OCA2: variants seen among roughly 807,000 people sequenced by gnomAD.
The protein encoded by OCA2 is OCA2 melanosomal transmembrane protein.
A neutral mutation model predicts 100.2 loss-of-function variants in OCA2; 77 were observed. The ratio of observed to expected loss-of-function variants is 0.77; its 90% CI spans 0.64 to 0.93. The LOEUF (loss-of-function observed/expected upper bound fraction) is 0.93, where lower values mean the gene tolerates loss of function less well. OCA2 is among the 40% of genes least tolerant of loss of function. The probability of loss-of-function intolerance (pLI) is 0.00; values close to 1 mark genes in which losing one functional copy is unlikely to be tolerated. For synonymous variants in OCA2, 432 were observed against 439.2 expected, an observed-to-expected ratio of 0.98 and a Z score of 0.21; for missense variants, 1,062 against 1,089.1, an observed-to-expected ratio of 0.98 and a Z score of 0.35.
At position 27,952,027 on chromosome 15, in the gene OCA2, T is replaced by C. The variant is rs138565865; in HGVS notation, c.1843-135A>G. 2.5e-5 allele frequency: 18 copies of C among 728,704 alleles called. No homozygotes were observed. In the Middle Eastern group the frequency reaches 1.0e-3, roughly 41 times the overall value. The allele number at this position is 728,704 out of a possible 1,614,324, so 45.1% of individuals were successfully genotyped here. On this transcript the variant is annotated intron_variant, in intron 17 of 23. Transcript: ENST00000354638. ...GTAACCTCTCGAACTTGAAAGAAAATGGCAAAGTACTGTGTTACAAGGAAA... is the reference window on the plus strand; with the variant it reads ...GTAACCTCTCGAACTTGAAAGAAAACGGCAAAGTACTGTGTTACAAGGAAA...
At chr15:27,811,329 C>T (rs1334204608) in intron 23 of OCA2, among the ~76,000 whole-genome samples, 1 of 152,030 alleles carries the variant, frequency 6.6e-6, no homozygotes, top group Non-Finnish European at 1.5e-5. Flanking sequence ...CAAGGGCATA[C>T]AGAGTGATAT....
intron 9 of OCA2, among the ~76,000 whole-genome samples, chr15:27,997,163 G>A (rs36163088): frequency 0.6 from 83,996 of 139,438 alleles, 28,870 homozygotes; most frequent in Non-Finnish European, 0.79. Context: ...AGAAAGAAAG[G>A]AAGGAAGGAA....
At chr15:27,935,628 C>T (rs77076433) in intron 18 of OCA2, among the ~76,000 whole-genome samples, 265 of 152,320 alleles carry the variant, frequency 1.7e-3, no homozygotes, top group African/African-American at 5.8e-3. Context: ...GATTCAATCC[C>T]CAGTCTGCAA....
chr15:27,830,669 T>C (rs575986179), intron 23 of OCA2, among the ~76,000 whole-genome samples: 57 of 152,272 alleles, frequency 3.7e-4, no homozygotes, highest in Non-Finnish European at 6.8e-4. Flanking sequence ...TGTGTGTATA[T>C]CAACTGAGAG....
At chr15:28,026,149 C>G (rs1259625034) in intron 4 of OCA2, among the ~76,000 whole-genome samples, 2 of 152,220 alleles carry the variant, frequency 1.3e-5, no homozygotes, top group African/African-American at 4.8e-5. Context: ...TCACTGATCA[C>G]GCATGGTACT....
intron 9 of OCA2, among the ~76,000 whole-genome samples, chr15:28,005,762 G>A (rs1042353526): frequency 3.3e-5 from 5 of 152,264 alleles, no homozygotes; most frequent in Admixed American, 2.6e-4. Context: ...TGCCGTGTGA[G>A]GTCCCATATG....
chr15:27,934,322 C>T (rs1011066307), intron 18 of OCA2, among the ~76,000 whole-genome samples: 1 of 152,102 alleles, frequency 6.6e-6, no homozygotes, highest in African/African-American at 2.4e-5. Flanking sequence ...CTAATTTCTA[C>T]TTATGTTAGC....
intron 2 of OCA2, among the ~76,000 whole-genome samples, chr15:28,041,452 C>A (rs2043198959): frequency 6.6e-6 from 1 of 152,178 alleles, no homozygotes; most frequent in Non-Finnish European, 1.5e-5. Context: ...AGCTTTTCCC[C>A]TATGACTAGG....
the OCA2 span, among the ~76,000 whole-genome samples, chr15:27,726,770 AAAG>A: frequency 6.6e-6 from 1 of 151,202 alleles, no homozygotes; most frequent in Non-Finnish European, 1.5e-5. Context: ...AATAAAATAA[AAAG>A]AAGAAGGTGA....
intron 19 of OCA2, among the ~76,000 whole-genome samples, chr15:27,910,714 T>A (rs994653814): frequency 1.3e-5 from 2 of 151,296 alleles, no homozygotes; most frequent in African/African-American, 4.9e-5. Flanking sequence ...TCCCAGCACT[T>A]TGGGAGGCCG....
chr15:27,835,319 T>C (rs1404170702), intron 23 of OCA2, among the ~76,000 whole-genome samples: 1 of 152,214 alleles, frequency 6.6e-6, no homozygotes, highest in African/African-American at 2.4e-5. Flanking sequence ...CCCACAGCCC[T>C]GACAGCGCAC....
intron 2 of OCA2, among the ~76,000 whole-genome samples, chr15:28,054,843 A>G (rs115178900): frequency 0.092 from 14,028 of 152,242 alleles, 826 homozygotes; most frequent in African/African-American, 0.16. Context: ...AAAATTTACA[A>G]TCATGGCAGA....
At position 27,842,720 on chromosome 15, in the gene OCA2, C is replaced by T. The variant is rs370732701; in HGVS notation, c.2432+2239G>A. Among the ~76,000 whole-genome samples, 11 of 152,330 alleles carry T rather than the reference C, an allele frequency of 7.2e-5. No homozygotes were observed. In the South Asian group the frequency reaches 2.3e-3, roughly 32 times the overall value. On this transcript the variant is annotated intron_variant, in intron 23 of 23. Coordinates refer to ENST00000354638, the MANE Select transcript of OCA2 (RefSeq NM_000275.3). Reference sequence around the variant, plus strand: ...AAGAAGATGCATGTGATTCATAAGGCTGGGACTAATGAGCTTTCAAGGAGA... The same window carrying T: ...AAGAAGATGCATGTGATTCATAAGGTTGGGACTAATGAGCTTTCAAGGAGA...
At chr15:27,768,443 C>G (rs938655121) in intron 23 of OCA2, among the ~76,000 whole-genome samples, 1 of 152,186 alleles carries the variant, frequency 6.6e-6, no homozygotes, top group African/African-American at 2.4e-5. Context: ...GCCGCCTCAC[C>G]TATTATCTTC....
At chr15:27,820,443 C>T (rs1429853932) in intron 23 of OCA2, among the ~76,000 whole-genome samples, 1 of 152,236 alleles carries the variant, frequency 6.6e-6, no homozygotes, top group East Asian at 1.9e-4. Flanking sequence ...CCCAGATCCA[C>T]AACCCTGGTC....
chr15:27,940,064 G>T (rs2594936), intron 18 of OCA2, among the ~76,000 whole-genome samples: 1 of 151,930 alleles, frequency 6.6e-6, no homozygotes, highest in Non-Finnish European at 1.5e-5. Context: ...CAGCTTTGCC[G>T]TTGGGACTGA....
At chr15:27,817,125 C>A (rs1011669742) in intron 23 of OCA2, among the ~76,000 whole-genome samples, 1 of 152,198 alleles carries the variant, frequency 6.6e-6, no homozygotes, top group Non-Finnish European at 1.5e-5. Context: ...CTGGAACCCA[C>A]GCTATCCTGT....
intron 23 of OCA2, among the ~76,000 whole-genome samples, chr15:27,831,452 T>A (rs1032157795): frequency 7.9e-5 from 12 of 152,162 alleles, no homozygotes; most frequent in Non-Finnish European, 1.6e-4. Context: ...TACCCCACCC[T>A]CTGCGGACCT....
chr15:27,926,331 CT>C, intron 18 of OCA2, 77 bp from the exon 19 acceptor site: 2 of 1,525,622 alleles, frequency 1.3e-6, no homozygotes, highest in South Asian at 1.1e-5. Context: ...CTCTGGTTGC[CT>C]TTTTCTTTAT....
Sources: gnomAD v4.1 joint callset for allele counts (sites outside exome capture counted in the v4.1 genomes callset) on GRCh38, gnomAD v4.1.1 for gene constraint, MANE v1.5 for transcripts, NCBI Gene and HGNC (gene_info 2026-07-23, HGNC 2026-07-21) for gene names.